Variants in SMOC1 observed in about 807,000 individuals in gnomAD.
The protein encoded by SMOC1 is SPARC related modular calcium binding 1, also known as SPARC-related modular calcium-binding protein 1.
In SMOC1, 22 loss-of-function variants were observed where a neutral mutation model predicts 56.3. That is an observed-to-expected ratio of 0.39 (90% CI 0.28 to 0.56). The LOEUF (loss-of-function observed/expected upper bound fraction) is 0.56, where lower values mean the gene tolerates loss of function less well. Ranked by LOEUF, SMOC1 falls within the 20% of genes least tolerant of loss-of-function variation. The pLI, the probability that SMOC1 is intolerant of heterozygous loss-of-function variation, is 0.61. For missense variants in SMOC1, 509 were observed against 565.4 expected (o/e 0.90, Z 1.01); for synonymous variants, 193 against 215.0 (o/e 0.90, Z 0.89).
chr14:69,885,011 T>A (rs982212499), intron 1 of SMOC1, among the ~76,000 whole-genome samples: 16 of 152,232 alleles, frequency 1.1e-4, no homozygotes, highest in African/African-American at 3.9e-4. Context: ...AATCTGTAGA[T>A]TGCTTTGGGA....
At chr14:69,908,879 G>C (rs1006738344) in intron 1 of SMOC1, among the ~76,000 whole-genome samples, 1 of 152,056 alleles carries the variant, frequency 6.6e-6, no homozygotes, top group African/African-American at 2.4e-5. Context: ...CTTAGGTTCT[G>C]GGGTGTGGGG....
At chr14:69,983,254 G>C (rs570360604) in intron 5 of SMOC1, among the ~76,000 whole-genome samples, 183 of 152,316 alleles carry the variant, frequency 1.2e-3, no homozygotes, top group African/African-American at 4.3e-3. Flanking sequence ...AAGCCTCTTA[G>C]ACATAAATTC....
At chr14:69,979,130 A>G (rs1220797724) in intron 5 of SMOC1, among the ~76,000 whole-genome samples, 1 of 152,134 alleles carries the variant, frequency 6.6e-6, no homozygotes, top group Non-Finnish European at 1.5e-5. Context: ...GTCATTGTGA[A>G]GTTCACAGGC....
intron 1 of SMOC1, among the ~76,000 whole-genome samples, chr14:69,913,119 CAAA>C (rs2139351032): frequency 6.6e-6 from 1 of 152,286 alleles, no homozygotes; most frequent in Non-Finnish European, 1.5e-5. Context: ...AGTGTGGGGG[CAAA>C]CAGCTCTGCA....
chr14:69,900,485 C>G (rs61980618), intron 1 of SMOC1, among the ~76,000 whole-genome samples: 8,654 of 152,308 alleles, frequency 0.057, 294 homozygotes, highest in Non-Finnish European at 0.077. Context: ...ACTTATAACA[C>G]TTATCTGGCT....
rs114332910 is a variant in SMOC1, at chr14:69,985,554, C to T, written c.527-6863C>T. On this transcript the variant is annotated intron_variant, in intron 5 of 11. Transcript: ENST00000361956. ...TGGCACAGTAGTACTGCCCTACCCACGGCCAACCATGGTCTGAAAATATTC... is the reference window on the plus strand; with the variant it reads ...TGGCACAGTAGTACTGCCCTACCCATGGCCAACCATGGTCTGAAAATATTC... Among the ~76,000 whole-genome samples, 78 of 152,320 alleles carry T rather than the reference C, an allele frequency of 5.1e-4. No individual in the cohort carries two copies. In the Middle Eastern group the frequency reaches 0.01, roughly 20 times the overall value.
chr14:70,010,156 A>C (rs904094636), intron 7 of SMOC1, among the ~76,000 whole-genome samples: 3 of 152,186 alleles, frequency 2.0e-5, no homozygotes, highest in Non-Finnish European at 4.4e-5. Flanking sequence ...GCATTGTGTA[A>C]TTCACTGAAA....
At chr14:69,886,188 G>T in intron 1 of SMOC1, 2 of 872,424 alleles carry the variant, frequency 2.3e-6, no homozygotes, top group Non-Finnish European at 3.7e-6. Flanking sequence ...TCTATATCTG[G>T]TCCACTTGTA....
At chr14:69,926,790 A>G (rs1162559005) in intron 1 of SMOC1, among the ~76,000 whole-genome samples, 1 of 152,216 alleles carries the variant, frequency 6.6e-6, no homozygotes, top group African/African-American at 2.4e-5. Context: ...TGGAATGGTG[A>G]AAAGTATGTT....
At chr14:70,004,980 C>G (rs1359506253) in intron 7 of SMOC1, among the ~76,000 whole-genome samples, 1 of 152,208 alleles carries the variant, frequency 6.6e-6, no homozygotes, top group Admixed American at 6.5e-5. Context: ...CATAGCTGGT[C>G]TACCAATAAC....
chr14:69,914,842 G>A (rs1444384563), intron 1 of SMOC1, among the ~76,000 whole-genome samples: 4 of 149,830 alleles, frequency 2.7e-5, no homozygotes, highest in South Asian at 4.2e-4. Context: ...ACTAGTTTAC[G>A]TATTCTTTTT....
intron 1 of SMOC1, among the ~76,000 whole-genome samples, chr14:69,922,726 G>T (rs1319808789): frequency 1.3e-5 from 2 of 152,044 alleles, no homozygotes; most frequent in Non-Finnish European, 2.9e-5. Context: ...AGCTTATGGG[G>T]ACAGAGCCCT....
intron 1 of SMOC1, among the ~76,000 whole-genome samples, chr14:69,919,937 T>G (rs1249285670): frequency 3.5e-5 from 4 of 115,788 alleles, no homozygotes; most frequent in African/African-American, 6.4e-5. Context: ...TCCCCTGGAG[T>G]AGGGATAAAA....
intron 1 of SMOC1, among the ~76,000 whole-genome samples, chr14:69,928,314 G>A (rs535017539): frequency 1.3e-5 from 2 of 152,314 alleles, no homozygotes; most frequent in African/African-American, 4.8e-5. Flanking sequence ...GATTTATTTC[G>A]AGATTTTCCT....
intron 1 of SMOC1, among the ~76,000 whole-genome samples, chr14:69,948,801 A>G (rs554025452): frequency 6.6e-6 from 1 of 152,328 alleles, no homozygotes; most frequent in East Asian, 1.9e-4. Flanking sequence ...CCTATGAGGC[A>G]AGGCTTGTTA....
intron 5 of SMOC1, among the ~76,000 whole-genome samples, chr14:69,991,444 G>C (rs1440461187): frequency 6.6e-6 from 1 of 152,050 alleles, no homozygotes; most frequent in Non-Finnish European, 1.5e-5. Context: ...AGATGATTAG[G>C]AAAAAATTAC....
At chr14:69,907,952 C>T (rs1884453816) in intron 1 of SMOC1, among the ~76,000 whole-genome samples, 1 of 152,152 alleles carries the variant, frequency 6.6e-6, no homozygotes, top group Non-Finnish European at 1.5e-5. Flanking sequence ...TCCCCTATGA[C>T]CTAATCACCT....
intron 1 of SMOC1, among the ~76,000 whole-genome samples, chr14:69,940,636 G>C (rs1376447371): frequency 1.3e-5 from 2 of 152,132 alleles, no homozygotes; most frequent in Admixed American, 6.5e-5. Flanking sequence ...CTTTGCCTTT[G>C]CACCCCCACA....
At chr14:69,910,635 C>A (rs1884533207) in intron 1 of SMOC1, among the ~76,000 whole-genome samples, 1 of 151,136 alleles carries the variant, frequency 6.6e-6, no homozygotes, top group African/African-American at 2.4e-5. Context: ...GCCTCTATTG[C>A]AATAAGCCTT....
Sources: allele counts gnomAD v4.1 joint callset (sites outside exome capture counted in the v4.1 genomes callset), GRCh38; gene constraint gnomAD v4.1.1; transcripts MANE v1.5; gene names NCBI Gene and HGNC (gene_info 2026-07-23, HGNC 2026-07-21).